Variants in CCDC50 observed in about 807,000 individuals in gnomAD.
CCDC50 encodes coiled-coil domain-containing protein 50.
CCDC50 carries 54 observed loss-of-function variants against 70.2 expected under a neutral mutation model. The observed-to-expected ratio is 0.77, with a 90% CI of 0.62 to 0.96. The LOEUF (loss-of-function observed/expected upper bound fraction) is 0.96. Among genes scored for constraint, CCDC50 ranks in the 50% least tolerant of loss-of-function variants. The probability of loss-of-function intolerance (pLI) is 0.00; values close to 1 mark genes in which losing one functional copy is unlikely to be tolerated. For synonymous variants in CCDC50, 216 were observed against 198.8 expected (o/e 1.09, Z -0.73); for missense variants, 558 against 578.7 (o/e 0.96, Z 0.37).
chr3:191,361,073 CA>C lies in CCDC50; in HGVS notation c.246del (p.Gln82HisfsTer31). ...QLQKRYKDLE[Q>X]QDCEIAQEIQ... The stretch of plus-strand genomic sequence containing the variant: ...GTTTTCACCTTTGCTTTTTAGTGAA[CA>C]ACAAGACTGTGAAATTGCTCAGGAA... On this transcript the variant is annotated frameshift_variant, in exon 4 of 12. Transcript: ENST00000392455. LOFTEE classifies it high-confidence loss of function. 2 of 1,612,580 alleles carry C rather than the reference CA, an allele frequency of 1.2e-6. No individual in the cohort carries two copies. Among genetic ancestry groups the C allele is most frequent in the Non-Finnish European group, 1.7e-6 (2 of 1,178,756 alleles).
chr3:191,384,676 ATTT>A (rs1713430168), intron 10 of CCDC50, among the ~76,000 whole-genome samples: 1 of 151,304 alleles, frequency 6.6e-6, no homozygotes, highest in East Asian at 1.9e-4. Flanking sequence ...AAAAATTGCC[ATTT>A]TTATTTTAGA....
At chr3:191,332,472 G>A (rs1189734486) in intron 1 of CCDC50, among the ~76,000 whole-genome samples, 1 of 152,118 alleles carries the variant, frequency 6.6e-6, no homozygotes, top group East Asian at 1.9e-4. Flanking sequence ...TTTTTGTAAT[G>A]GAAAACGCTG....
intron 1 of CCDC50, among the ~76,000 whole-genome samples, chr3:191,341,461 C>G (rs1037196654): frequency 4.6e-5 from 7 of 152,144 alleles, no homozygotes; most frequent in African/African-American, 1.7e-4. Context: ...GATCTGTACT[C>G]AAGATACTCA....
chr3:191,380,149 T>TG lies in CCDC50; in HGVS notation c.977-10_977-9insG, dbSNP rs749677830. On this transcript the variant is annotated splice_polypyrimidine_tract_variant and intron_variant, in intron 6 of 11. Coordinates refer to ENST00000392455, the MANE Select transcript of CCDC50 (RefSeq NM_178335.3). Reference sequence around the variant, plus strand: ...GTTTTATTACATTGAGTTTTTTTTTTTTTTTAAAGGAATGAAGCCAAGAGT... The same window carrying TG: ...GTTTTATTACATTGAGTTTTTTTTTTGTTTTTAAAGGAATGAAGCCAAGAGT... 15 of 1,453,198 alleles carry TG rather than the reference T, an allele frequency of 1.0e-5. No individual in the cohort carries two copies. The highest frequency in any genetic ancestry group is 7.2e-5 in the African/African-American group (5 of 69,234). 90.0% of individuals were successfully genotyped at this position (1,453,198 alleles called of 1,614,324 possible).
In CCDC50 at chr3:191,380,215, A is replaced by G. The variant is rs1486784404; in HGVS notation, c.1033A>G (p.Arg345Gly). Residue 345 changes from arginine (R) to glycine (G), a missense_variant, in exon 7 of 12, where the codon AGG becomes GGG. Physicochemically the swap from Arg to Gly is moderately radical, Grantham distance 125 (BLOSUM62 -2). Coordinates refer to ENST00000392455, the MANE Select transcript of CCDC50 (RefSeq NM_178335.3). ...ATCTACTCCATCACGAATGGCCCAC[A>G]GGGATCAGGAATGGTATGATGCTGA... ...AVSTPSRMAH[R>G]DQEWYDAEIA... 1 of 1,612,808 alleles carries G rather than the reference A, an allele frequency of 6.2e-7. No individual in the cohort carries two copies. Among genetic ancestry groups the G allele is most frequent in the Non-Finnish European group, 8.5e-7 (1 of 1,179,266 alleles).
chr3:191,340,171 A>G (rs1711673326), intron 1 of CCDC50, among the ~76,000 whole-genome samples: 1 of 152,216 alleles, frequency 6.6e-6, no homozygotes, highest in Non-Finnish European at 1.5e-5. Context: ...AGGTCAGGAC[A>G]TGAGGCTCTG....
chr3:191,336,685 G>A (rs1180615985), intron 1 of CCDC50, among the ~76,000 whole-genome samples: 3 of 152,132 alleles, frequency 2.0e-5, no homozygotes, highest in African/African-American at 7.2e-5. Context: ...ATCTCTTAGA[G>A]ATGGTTTCAG....
rs547573199 is a variant in CCDC50, at chr3:191,374,098, G to A, written c.449-964G>A. Among the ~76,000 whole-genome samples, 7 of 152,142 alleles carry A rather than the reference G, an allele frequency of 4.6e-5. No individual in the cohort carries two copies. In the South Asian group the frequency reaches 6.2e-4, roughly 13 times the overall value. ...GATTTTTCGTTGTTATTTCCAAAAC[G>A]TAGTAAAAGTTTTAGAAAATGTTAA... On this transcript the variant is annotated intron_variant, in intron 5 of 11. Transcript: ENST00000392455.
chr3:191,390,740 G>A (rs293839), intron 11 of CCDC50, among the ~76,000 whole-genome samples: 64,207 of 152,046 alleles, frequency 0.42, 15,242 homozygotes, highest in Non-Finnish European at 0.53. Context: ...ACCAAAGCCT[G>A]TTTTATCAGC....
rs755031257 is a variant in CCDC50 at position 191,375,385 on chromosome 3, A to G, written c.772A>G (p.Ile258Val). The G allele has an allele frequency of 6.2e-7, 1 of 1,613,774 alleles. No individual in the cohort carries two copies. Among genetic ancestry groups the G allele is most frequent in the East Asian group, 2.2e-5 (1 of 44,856 alleles). ...STECDDWETK[I>V]NHQTRNWEKQ... ...TGAATGTGATGACTGGGAGACTAAG[A>G]TTAACCATCAGACTCGAAATTGGGA... Residue 258 changes from isoleucine to valine, a missense_variant, in exon 6 of 12, where the codon ATT (isoleucine) becomes GTT (valine). By Grantham distance (29) the Ile-to-Val change is conservative. Transcript: ENST00000392455.
chr3:191,329,942 T>TGG (rs34226642), intron 1 of CCDC50, among the ~76,000 whole-genome samples: 3 of 102,956 alleles, frequency 2.9e-5, no homozygotes, highest in Non-Finnish European at 4.5e-5. Flanking sequence ...AGGGGGTGGT[T>TGG]GGGGGGGGGG....
intron 1 of CCDC50, among the ~76,000 whole-genome samples, chr3:191,341,146 C>G (rs569558566): frequency 1.3e-5 from 2 of 152,138 alleles, no homozygotes; most frequent in Non-Finnish European, 2.9e-5. Context: ...AGCACAGATT[C>G]TGTACTAGAC....
intron 1 of CCDC50, 106 bp downstream of exon 1, chr3:191,329,829 GC>G (rs1717891175): frequency 1.7e-6 from 2 of 1,185,240 alleles, no homozygotes; most frequent in African/African-American, 1.6e-5. Flanking sequence ...CTCGCCCGGT[GC>G]CCGCCCTGCG....
chr3:191,329,942 T>TG (rs34226642), intron 1 of CCDC50, among the ~76,000 whole-genome samples: 251 of 102,830 alleles, frequency 2.4e-3, no homozygotes, highest in Non-Finnish European at 3.8e-3. Context: ...AGGGGGTGGT[T>TG]GGGGGGGGGG....
intron 10 of CCDC50, among the ~76,000 whole-genome samples, chr3:191,384,171 A>AT (rs1713412745): frequency 6.6e-6 from 1 of 151,772 alleles, no homozygotes; most frequent in African/African-American, 2.4e-5. Flanking sequence ...ATGATCCTGT[A>AT]TTAAAAATGG....
chr3:191,383,800 A>G (rs1437024621), intron 10 of CCDC50, among the ~76,000 whole-genome samples: 2 of 152,190 alleles, frequency 1.3e-5, no homozygotes, highest in Non-Finnish European at 2.9e-5. Context: ...GTCTAGTTAT[A>G]TAAAATCTTT....
At chr3:191,363,036 G>C (rs66809497) in intron 4 of CCDC50, among the ~76,000 whole-genome samples, 27,960 of 150,950 alleles carry the variant, frequency 0.19, 4,323 homozygotes, top group African/African-American at 0.43. Flanking sequence ...CCAGAGTAGT[G>C]AAGTTGGCTT....
chr3:191,391,420 A>G (rs1445745997), intron 11 of CCDC50, among the ~76,000 whole-genome samples: 1 of 152,192 alleles, frequency 6.6e-6, no homozygotes, highest in Non-Finnish European at 1.5e-5. Context: ...TGGACATTAT[A>G]AACATCTTCA....
intron 4 of CCDC50, among the ~76,000 whole-genome samples, chr3:191,365,243 T>C (rs538157165): frequency 5.9e-5 from 9 of 151,926 alleles, no homozygotes; most frequent in African/African-American, 2.2e-4. Context: ...CCCTTTATAG[T>C]ATAAACTGCT....
Sources: gnomAD v4.1 joint callset for allele counts (sites outside exome capture counted in the v4.1 genomes callset) on GRCh38, gnomAD v4.1.1 for gene constraint, MANE v1.5 for transcripts, NCBI Gene and HGNC (gene_info 2026-07-23, HGNC 2026-07-21) for gene names.